Variants in MGAT4C observed in about 807,000 individuals in gnomAD.
MGAT4C encodes MGAT4 family member C.
In MGAT4C, 19 loss-of-function variants were observed where a neutral mutation model predicts 40.1. The observed-to-expected ratio is 0.47, with a 90% CI of 0.33 to 0.70. The LOEUF (loss-of-function observed/expected upper bound fraction) is 0.70. MGAT4C is among the 30% of genes least tolerant of loss of function. The pLI is 0.02. For synonymous variants in MGAT4C, 181 were observed against 187.1 expected (o/e 0.97, Z 0.27); for missense variants, 491 against 563.2 (o/e 0.87, Z 1.30).
At chr12:86,106,268 C>T (rs1876148942) in intron 1 of MGAT4C, among the ~76,000 whole-genome samples, 1 of 151,600 alleles carries the variant, frequency 6.6e-6, no homozygotes, top group South Asian at 2.1e-4. Flanking sequence ...AAGCAGCACT[C>T]GTTTAGTTTA....
intron 1 of MGAT4C, among the ~76,000 whole-genome samples, chr12:86,250,330 TGAGAGAGAGA>T (rs3047014): frequency 0.074 from 10,513 of 142,182 alleles, 919 homozygotes; most frequent in African/African-American, 0.22. Flanking sequence ...ACACACACAC[TGAGAGAGAGA>T]GAGAGAGAGA....
chr12:86,021,967 A>C (rs1362265631), intron 2 of MGAT4C, among the ~76,000 whole-genome samples: 1 of 152,186 alleles, frequency 6.6e-6, no homozygotes, highest in Non-Finnish European at 1.5e-5. Context: ...ATATTAATAT[A>C]TTTTTACATT....
At chr12:86,637,474 G>A (rs897960794) in intron 2 of MGAT4C, among the ~76,000 whole-genome samples, 3 of 151,888 alleles carry the variant, frequency 2.0e-5, no homozygotes, top group African/African-American at 7.2e-5. Context: ...AGCCAAATAT[G>A]TTAAGGTTAT....
At chr12:86,388,699 T>TTTTTTTTC (rs1349677169) in intron 3 of MGAT4C, among the ~76,000 whole-genome samples, 1 of 148,876 alleles carries the variant, frequency 6.7e-6, no homozygotes. Flanking sequence ...TTTTTTTTTT[T>TTTTTTTTC]AGACAGAGTC....
chr12:86,716,622 T>A (rs560569429), intron 2 of MGAT4C, among the ~76,000 whole-genome samples: 1 of 152,144 alleles, frequency 6.6e-6, no homozygotes, highest in South Asian at 2.1e-4. Context: ...GATTCATATG[T>A]CATTGCACTA....
chr12:86,255,845 T>C (rs1314029234), intron 1 of MGAT4C, among the ~76,000 whole-genome samples: 1 of 152,160 alleles, frequency 6.6e-6, no homozygotes, highest in African/African-American at 2.4e-5. Flanking sequence ...ATTTTAAGTC[T>C]ACAGCAACAC....
chr12:86,443,618 G>C (rs2136280711), intron 2 of MGAT4C, among the ~76,000 whole-genome samples: 1 of 152,292 alleles, frequency 6.6e-6, no homozygotes, highest in African/African-American at 2.4e-5. Flanking sequence ...GTTTGAGACG[G>C]AGTCTCGCTG....
intron 1 of MGAT4C, among the ~76,000 whole-genome samples, chr12:86,255,829 T>G (rs1952493335): frequency 6.6e-6 from 1 of 152,138 alleles, no homozygotes; most frequent in Admixed American, 6.6e-5. Flanking sequence ...TTAGAAACTT[T>G]GACTCATTTT....
At chr12:86,112,809 A>C (rs1877696769) in intron 1 of MGAT4C, among the ~76,000 whole-genome samples, 2 of 151,778 alleles carry the variant, frequency 1.3e-5, no homozygotes, top group Admixed American at 1.3e-4. Flanking sequence ...GTGACAATGG[A>C]GTGATAAGTC....
chr12:86,016,513 C>T (rs1242990245), intron 2 of MGAT4C: 1 of 152,296 alleles, frequency 6.6e-6, no homozygotes, highest in African/African-American at 2.4e-5. Flanking sequence ...CGGGAAAATG[C>T]AGCAGATACC....
intron 1 of MGAT4C, among the ~76,000 whole-genome samples, chr12:86,209,049 T>A (rs1020807771): frequency 1.2e-4 from 19 of 152,148 alleles, no homozygotes; most frequent in African/African-American, 4.1e-4. Flanking sequence ...AACATTAGTA[T>A]CAGTATGCAT....
chr12:86,074,465 T>A (rs1024581953), intron 1 of MGAT4C, among the ~76,000 whole-genome samples: 8 of 152,168 alleles, frequency 5.3e-5, no homozygotes, highest in African/African-American at 1.9e-4. Flanking sequence ...GGAGTTTGCA[T>A]TTTGTAGAAT....
intron 1 of MGAT4C, among the ~76,000 whole-genome samples, chr12:86,231,419 T>A (rs1361998811): frequency 6.6e-6 from 1 of 152,192 alleles, no homozygotes; most frequent in Non-Finnish European, 1.5e-5. Context: ...TTTCTAATCA[T>A]CTGCCTATCT....
intron 2 of MGAT4C, among the ~76,000 whole-genome samples, chr12:86,507,753 T>A (rs1330683785): frequency 6.6e-6 from 1 of 152,174 alleles, no homozygotes; most frequent in African/African-American, 2.4e-5. Flanking sequence ...GTTTACTGAA[T>A]CTTTGAGCAA....
intron 1 of MGAT4C, among the ~76,000 whole-genome samples, chr12:86,141,194 C>T (rs1176525214): frequency 1.3e-5 from 2 of 152,100 alleles, no homozygotes; most frequent in Admixed American, 1.3e-4. Flanking sequence ...TTTTGAATGC[C>T]TCTGAGATTT....
At chr12:86,028,216 A>AAAAAGTTC in intron 2 of MGAT4C, 1 of 1,267,388 alleles carries the variant, frequency 7.9e-7, no homozygotes, top group Non-Finnish European at 1.0e-6. Flanking sequence ...TGCTGATGGA[A>AAAAAGTTC]AAAAGTTCAA....
At chr12:86,114,390 A>G (rs1233625621) in intron 1 of MGAT4C, among the ~76,000 whole-genome samples, 1 of 151,818 alleles carries the variant, frequency 6.6e-6, no homozygotes, top group African/African-American at 2.4e-5. Flanking sequence ...ATCTGTGTTA[A>G]CTCTTCAACA....
chr12:86,596,360 G>A (rs1270199617), intron 2 of MGAT4C, among the ~76,000 whole-genome samples: 1 of 152,062 alleles, frequency 6.6e-6, no homozygotes, highest in African/African-American at 2.4e-5. Flanking sequence ...GAAACACAGG[G>A]CCAGAAATTA....
chr12:86,556,236 T>G (rs1959604268), intron 2 of MGAT4C, among the ~76,000 whole-genome samples: 1 of 152,218 alleles, frequency 6.6e-6, no homozygotes, highest in Admixed American at 6.5e-5. Context: ...TAATGTATAG[T>G]ATTTTTTAAT....
Sources: gnomAD v4.1 joint callset for allele counts (sites outside exome capture counted in the v4.1 genomes callset) on GRCh38, gnomAD v4.1.1 for gene constraint, MANE v1.5 for transcripts, NCBI Gene and HGNC (gene_info 2026-07-23, HGNC 2026-07-21) for gene names.